Variants in PCDHA2 observed in about 807,000 individuals in gnomAD.
PCDHA2 encodes protocadherin alpha 2, also known as protocadherin alpha-2.
Under a neutral mutation model 66.0 loss-of-function variants are expected in PCDHA2, and 58 were observed. The ratio of observed to expected loss-of-function variants is 0.88; its 90% confidence interval spans 0.71 to 1.09. PCDHA2 has a LOEUF of 1.09. Ranked by LOEUF, PCDHA2 falls within the 50% of genes least tolerant of loss-of-function variation. The pLI, the probability that PCDHA2 is intolerant of heterozygous loss-of-function variation, is 0.00. For synonymous variants in PCDHA2, 634 were observed against 554.0 expected (o/e 1.14, Z -2.03); for missense variants, 1,267 against 1,242.3 (o/e 1.02, Z -0.30).
chr5:140,971,165 G>C (rs1390176241), intron 1 of PCDHA2, among the ~76,000 whole-genome samples: 1 of 152,136 alleles, frequency 6.6e-6, no homozygotes, highest in Non-Finnish European at 1.5e-5. Context: ...GCTCAGCTTT[G>C]CCACCAGCTG....
intron 1 of PCDHA2, chr5:140,854,190 A>T: frequency 1.5e-6 from 1 of 648,854 alleles, no homozygotes; most frequent in Non-Finnish European, 1.9e-6. Flanking sequence ...TAGTTTAACT[A>T]CTCCCTACTT....
chr5:140,868,356 T>A (rs1465427202), intron 1 of PCDHA2: 1 of 152,118 alleles, frequency 6.6e-6, no homozygotes, highest in Non-Finnish European at 1.5e-5. Flanking sequence ...AGAAAGCAAT[T>A]AAATGTAAAT....
intron 1 of PCDHA2, among the ~76,000 whole-genome samples, chr5:140,855,007 T>C (rs1224641648): frequency 6.7e-6 from 1 of 149,970 alleles, no homozygotes; most frequent in Non-Finnish European, 1.5e-5. Context: ...TAAGATATTA[T>C]AAAATGAAAC....
intron 1 of PCDHA2, chr5:140,877,837 G>A (rs1313925880): frequency 6.3e-7 from 1 of 1,585,240 alleles, no homozygotes; most frequent in African/African-American, 1.4e-5. Context: ...TCCTCCCAGT[G>A]AAGTAAGTTA....
At position 140,876,665 on chromosome 5, in the gene PCDHA2, T is replaced by C. The variant is rs781830697; in HGVS notation, c.2388+79313T>C. 98 of 1,614,080 alleles carry C rather than the reference T, an allele frequency of 6.1e-5. 1 individual carries two copies. The South Asian group carries it at 9.4e-4, about 16-fold the overall frequency. ...ACACCTCATGTTCCCTTCAAGCTGG[T>C]GTCCACCTACAAGAATTACTACTCG... On this transcript the variant is annotated intron_variant, in intron 1 of 3. Coordinates refer to ENST00000526136, the MANE Select transcript of PCDHA2 (RefSeq NM_018905.3).
chr5:140,836,378 G>A, intron 1 of PCDHA2: 2 of 1,613,750 alleles, frequency 1.2e-6, no homozygotes, highest in Non-Finnish European at 1.7e-6. Context: ...CAGCCACCGT[G>A]CTGGTGTCGC....
At chr5:140,926,888 G>A in intron 1 of PCDHA2, 1 of 1,544,494 alleles carries the variant, frequency 6.5e-7, no homozygotes, top group Non-Finnish European at 8.7e-7. Flanking sequence ...ACGCCTAGAG[G>A]GAGGATGGTG....
At chr5:140,851,889 A>G in intron 1 of PCDHA2, 1 of 976,024 alleles carries the variant, frequency 1.0e-6, no homozygotes, top group East Asian at 1.1e-4. Context: ...TCTGGATATG[A>G]GATTTGCCTC....
At chr5:140,982,679 C>A in intron 3 of PCDHA2, 116 bp downstream of exon 3, 2 of 1,436,546 alleles carry the variant, frequency 1.4e-6, no homozygotes, top group Non-Finnish European at 9.2e-7. Flanking sequence ...TTGTTATTCC[C>A]TTTTTTCCAT....
chr5:140,893,958 T>C (rs1391607597), intron 1 of PCDHA2, among the ~76,000 whole-genome samples: 2 of 152,228 alleles, frequency 1.3e-5, no homozygotes, highest in African/African-American at 4.8e-5. Flanking sequence ...ACTTTATTAG[T>C]CATTAGATAC....
chr5:140,966,818 C>G (rs1376177382), intron 1 of PCDHA2: 1 of 1,554,298 alleles, frequency 6.4e-7, no homozygotes, highest in Admixed American at 1.9e-5. Context: ...ACGGCTCCGG[C>G]GGCCCATGCC....
chr5:140,976,383 T>G (rs963492291), intron 1 of PCDHA2, among the ~76,000 whole-genome samples: 4 of 152,058 alleles, frequency 2.6e-5, no homozygotes, highest in African/African-American at 9.7e-5. Context: ...AAACCCCATC[T>G]CTACTAAAAA....
At chr5:140,806,105 T>C (rs563765261) in intron 1 of PCDHA2, among the ~76,000 whole-genome samples, 1 of 152,264 alleles carries the variant, frequency 6.6e-6, no homozygotes, top group Non-Finnish European at 1.5e-5. Flanking sequence ...CCTGTTCAAT[T>C]GGTTTGATCA....
intron 1 of PCDHA2, chr5:140,968,943 T>G (rs1429261485): frequency 1.2e-6 from 2 of 1,614,128 alleles, no homozygotes; most frequent in Non-Finnish European, 1.7e-6. Context: ...ATCATCATTT[T>G]GAGCATCATC....
intron 2 of PCDHA2, among the ~76,000 whole-genome samples, chr5:140,982,179 T>C (rs950269342): frequency 6.6e-6 from 1 of 152,396 alleles, no homozygotes. Flanking sequence ...CTTAGTCCTC[T>C]GATGGGCTTC....
At chr5:140,974,804 A>G (rs2096641388) in intron 1 of PCDHA2, among the ~76,000 whole-genome samples, 1 of 152,204 alleles carries the variant, frequency 6.6e-6, no homozygotes, top group Non-Finnish European at 1.5e-5. Context: ...TTGATATACT[A>G]GAAGACCAAT....
chr5:140,835,934 G>T, intron 1 of PCDHA2: 1 of 1,612,552 alleles, frequency 6.2e-7, no homozygotes, highest in South Asian at 1.1e-5. Context: ...GCGGCAAGGT[G>T]TACGCGCTGC....
At chr5:140,925,826 G>T (rs1284588733) in intron 1 of PCDHA2, among the ~76,000 whole-genome samples, 3 of 152,066 alleles carry the variant, frequency 2.0e-5, no homozygotes, top group Non-Finnish European at 2.9e-5. Flanking sequence ...CTTCTTTGGG[G>T]ACGGGTCGTC....
intron 1 of PCDHA2, chr5:140,929,069 G>A (rs1554206647): frequency 1.2e-6 from 2 of 1,614,192 alleles, no homozygotes; most frequent in Non-Finnish European, 8.5e-7. Context: ...GAGGATCTGA[G>A]GTATGGAAGT....
Sources: allele counts gnomAD v4.1 joint callset (sites outside exome capture counted in the v4.1 genomes callset), GRCh38; gene constraint gnomAD v4.1.1; transcripts MANE v1.5; gene names NCBI Gene and HGNC (gene_info 2026-07-23, HGNC 2026-07-21).